The following CAMTA1 variants were observed in gnomAD, a reference collection of about 807,000 sequenced individuals.
CAMTA1 encodes calmodulin-binding transcription activator 1.
A neutral mutation model predicts 170.9 loss-of-function variants in CAMTA1; 27 were observed. The ratio of observed to expected loss-of-function variants is 0.16; its 90% CI spans 0.12 to 0.22. The LOEUF (loss-of-function observed/expected upper bound fraction) is 0.22, where lower values mean the gene tolerates loss of function less well. Ranked by LOEUF, CAMTA1 falls within the 10% of genes least tolerant of loss-of-function variation. The probability of loss-of-function intolerance (pLI) is 1.00; values close to 1 mark genes in which losing one functional copy is unlikely to be tolerated. For missense variants in CAMTA1, 1,619 were observed against 2,217.2 expected (o/e 0.73, Z 5.42); for synonymous variants, 833 against 891.5 (o/e 0.93, Z 1.17).
At chr1:7,164,429 G>T (rs961567094) in intron 4 of CAMTA1, among the ~76,000 whole-genome samples, 2 of 152,232 alleles carry the variant, frequency 1.3e-5, no homozygotes, top group Non-Finnish European at 2.9e-5. Flanking sequence ...AAAGCTAGGG[G>T]TTTGATGGGC....
At chr1:7,318,665 A>G (rs763839655) in intron 5 of CAMTA1, among the ~76,000 whole-genome samples, 12 of 152,200 alleles carry the variant, frequency 7.9e-5, no homozygotes, top group Non-Finnish European at 1.8e-4. Context: ...TTCCTCAGCT[A>G]TTTTGGAGGA....
At chr1:7,158,139 A>T (rs1328900155) in intron 4 of CAMTA1, among the ~76,000 whole-genome samples, 1 of 152,228 alleles carries the variant, frequency 6.6e-6, no homozygotes, top group Non-Finnish European at 1.5e-5. Flanking sequence ...AGCCTGGGTG[A>T]CAGAGCGAGA....
chr1:7,572,373 G>A (rs2095135673), intron 6 of CAMTA1, among the ~76,000 whole-genome samples: 9 of 152,172 alleles, frequency 5.9e-5, no homozygotes, highest in Admixed American at 5.9e-4. Flanking sequence ...TTTGGCTTTT[G>A]TTGCACTTGT....
At chr1:7,055,618 A>T (rs1475169221) in intron 3 of CAMTA1, among the ~76,000 whole-genome samples, 1 of 152,196 alleles carries the variant, frequency 6.6e-6, no homozygotes, top group Admixed American at 6.5e-5. Flanking sequence ...AGTGGCCTGG[A>T]TGGAGACCTG....
chr1:7,304,893 G>A (rs1675346109), intron 5 of CAMTA1, among the ~76,000 whole-genome samples: 1 of 151,612 alleles, frequency 6.6e-6, no homozygotes, highest in Non-Finnish European at 1.5e-5. Flanking sequence ...TTTCTTTCAT[G>A]ATCTCTAAAA....
intron 3 of CAMTA1, among the ~76,000 whole-genome samples, chr1:6,995,295 C>CTTTTTTTTTTTTTTTTTATTT (rs1697054175): frequency 1.6e-5 from 1 of 60,624 alleles, no homozygotes; most frequent in Non-Finnish European, 2.9e-5. Context: ...TTTTTCTTTT[C>CTTTTTTTTTTTTTTTTTATTT]TTTTTTTTTT....
chr1:7,168,172 T>C (rs1004027288), intron 4 of CAMTA1, among the ~76,000 whole-genome samples: 1 of 152,208 alleles, frequency 6.6e-6, no homozygotes, highest in African/African-American at 2.4e-5. Flanking sequence ...TGTATATAAA[T>C]TAATTTATTT....
chr1:6,785,872 G>T (rs1639099502), intron 1 of CAMTA1, among the ~76,000 whole-genome samples: 1 of 147,578 alleles, frequency 6.8e-6, no homozygotes, highest in Non-Finnish European at 1.5e-5. Context: ...GCGAGGAGGA[G>T]GAGCCGGCGG....
Position 7,608,956 on chromosome 1 carries a change from A to G in CAMTA1, c.511-31444A>G, listed in dbSNP as rs545514314. Among the ~76,000 whole-genome samples, 67 of 152,132 alleles carry G rather than the reference A, an allele frequency of 4.4e-4. No homozygotes were observed. In the South Asian group the frequency reaches 9.5e-3, roughly 22 times the overall value. On this transcript the variant is annotated intron_variant, in intron 6 of 22. Coordinates refer to ENST00000303635, the MANE Select transcript of CAMTA1 (RefSeq NM_015215.4). Reference sequence around the variant, plus strand: ...CTGGCCTTTTCTAGAAGGACATTCTATGGGGAAATTCTAAGCAGAAGTGAG... The same window carrying G: ...CTGGCCTTTTCTAGAAGGACATTCTGTGGGGAAATTCTAAGCAGAAGTGAG...
At chr1:7,186,105 A>G (rs1446861343) in intron 4 of CAMTA1, among the ~76,000 whole-genome samples, 1 of 152,214 alleles carries the variant, frequency 6.6e-6, no homozygotes, top group Non-Finnish European at 1.5e-5. Context: ...AAAACAGTTC[A>G]GAAAACAATG....
At chr1:7,566,183 G>A (rs2150300119) in intron 6 of CAMTA1, among the ~76,000 whole-genome samples, 1 of 152,310 alleles carries the variant, frequency 6.6e-6, no homozygotes, top group South Asian at 2.1e-4. Context: ...AGAGACTGGA[G>A]ACAAGGGATC....
intron 3 of CAMTA1, among the ~76,000 whole-genome samples, chr1:7,019,511 C>T (rs1043011397): frequency 6.6e-5 from 10 of 152,108 alleles, no homozygotes; most frequent in African/African-American, 2.2e-4. Context: ...ACAGTGAAGT[C>T]GTGGAGGGGC....
intron 6 of CAMTA1, among the ~76,000 whole-genome samples, chr1:7,506,081 G>A (rs988765487): frequency 5.9e-5 from 9 of 152,148 alleles, no homozygotes; most frequent in African/African-American, 1.2e-4. Flanking sequence ...GTGGAGAATC[G>A]CAGAGGAGGA....
rs1223290593 is a variant in CAMTA1, at chr1:7,010,235, C to T, written c.235-81069C>T. Among the ~76,000 whole-genome samples the T allele has an allele frequency of 4.6e-5, 7 of 152,288 alleles. No homozygotes were observed. Among genetic ancestry groups the T allele is most frequent in the East Asian group, 1.9e-4 (1 of 5,164 alleles). On this transcript the variant is annotated intron_variant, in intron 3 of 22. Coordinates refer to ENST00000303635, the MANE Select transcript of CAMTA1 (RefSeq NM_015215.4). The surrounding 1 kb of genome is among the most constrained non-coding windows in gnomAD (Gnocchi z 4.4). ...AGAAGACAGAGGACTTGACTGAGCTCATGGTCAGGGAGTGTCAGAACGAGG... is the reference window on the plus strand; with the variant it reads ...AGAAGACAGAGGACTTGACTGAGCTTATGGTCAGGGAGTGTCAGAACGAGG...
At chr1:7,323,692 T>C (rs1678844623) in intron 5 of CAMTA1, among the ~76,000 whole-genome samples, 1 of 152,076 alleles carries the variant, frequency 6.6e-6, no homozygotes, top group South Asian at 2.1e-4. Context: ...CCCCTGCTAC[T>C]AAAACACTAG....
At position 6,981,566 on chromosome 1, in the gene CAMTA1, G is replaced by A. The variant is rs546123377; in HGVS notation, c.235-109738G>A. On this transcript the variant is annotated intron_variant, in intron 3 of 22. Coordinates refer to ENST00000303635, the MANE Select transcript of CAMTA1 (RefSeq NM_015215.4). The stretch of plus-strand genomic sequence containing the variant: ...TCCCATCTCAGCCTTCTGAGTAGCT[G>A]GGACCATAGGCATGCACCACTACAC... 5.9e-5 allele frequency among the ~76,000 whole-genome samples: 9 copies of A among 151,522 alleles called. No individual in the cohort carries two copies. The East Asian group carries it at 1.6e-3, about 26-fold the overall frequency.
At chr1:6,960,568 G>A (rs1018407538) in intron 3 of CAMTA1, among the ~76,000 whole-genome samples, 2 of 152,160 alleles carry the variant, frequency 1.3e-5, no homozygotes, top group African/African-American at 2.4e-5. Flanking sequence ...CCCACCGCCT[G>A]AAGCAAAATT....
At chr1:7,765,696 A>G (rs2097016157) in intron 22 of CAMTA1, among the ~76,000 whole-genome samples, 1 of 152,244 alleles carries the variant, frequency 6.6e-6, no homozygotes. Flanking sequence ...TCTTGAGTCT[A>G]TGAACAAAGC....
In CAMTA1 at chr1:7,207,005, G is replaced by C. The variant is rs139091331; in HGVS notation, c.303-42486G>C. Among the ~76,000 whole-genome samples, 1,057 of 152,274 alleles carry C rather than the reference G, an allele frequency of 6.9e-3. 7 individuals carry two copies. Among genetic ancestry groups the C allele is most frequent in the Non-Finnish European group, 9.6e-3 (653 of 68,026 alleles). On this transcript the variant is annotated intron_variant, in intron 4 of 22. Transcript: ENST00000303635. Reference sequence around the variant, plus strand: ...GGTAGGAGTTGAGAATGGCAACGCTGCTTTCCTAGTCTCCTGAGAGGGAAA... The same window carrying C: ...GGTAGGAGTTGAGAATGGCAACGCTCCTTTCCTAGTCTCCTGAGAGGGAAA...
Sources: allele counts gnomAD v4.1 joint callset (sites outside exome capture counted in the v4.1 genomes callset), GRCh38; gene constraint gnomAD v4.1.1; non-coding constraint Gnocchi (gnomAD v3.1); transcripts MANE v1.5; gene names NCBI Gene and HGNC (gene_info 2026-07-23, HGNC 2026-07-21).